ZNF423: variants seen among roughly 807,000 people sequenced by gnomAD.
ZNF423 encodes the protein zinc finger protein 423.
In ZNF423, 12 loss-of-function variants were observed where a neutral mutation model predicts 95.8. That is an observed-to-expected ratio of 0.13 (90% CI 0.08 to 0.20). ZNF423 has a LOEUF of 0.20. Among genes scored for constraint, ZNF423 ranks in the 10% least tolerant of loss-of-function variants. The pLI is 1.00. For missense variants in ZNF423, 1,316 were observed against 1,737.1 expected, an observed-to-expected ratio of 0.76 and a Z score of 4.31; for synonymous variants, 749 against 711.9, an observed-to-expected ratio of 1.05 and a Z score of -0.83.
chr16:49,633,759 G>A (rs1972583662), intron 4 of ZNF423, among the ~76,000 whole-genome samples: 1 of 152,120 alleles, frequency 6.6e-6, no homozygotes, highest in Non-Finnish European at 1.5e-5. Context: ...CTGGGGCCCT[G>A]TTTAGAACCC....
chr16:49,530,345 G>A (rs1029668953), intron 5 of ZNF423, among the ~76,000 whole-genome samples: 2 of 151,948 alleles, frequency 1.3e-5, no homozygotes, highest in Non-Finnish European at 2.9e-5. Flanking sequence ...ACACACCCCC[G>A]TCCTTTCCAG....
chr16:49,511,113 G>A (rs879332908), intron 7 of ZNF423, among the ~76,000 whole-genome samples: 10 of 152,222 alleles, frequency 6.6e-5, no homozygotes, highest in Non-Finnish European at 1.3e-4. Flanking sequence ...GGCTCACGAG[G>A]GTATCTGAGC....
Position 49,778,997 on chromosome 16 carries a change from A to G in ZNF423, c.100+10490T>C, listed in dbSNP as rs2034166489. 2.6e-5 allele frequency among the ~76,000 whole-genome samples: 4 copies of G among 152,210 alleles called. No homozygotes were observed. In the South Asian group the frequency reaches 8.3e-4, roughly 31 times the overall value. Reference sequence around the variant, plus strand: ...AGGTTTAGTAACTTACTCCATATTGAACAGCTAATAAGTATCTAGACCTCA... The same window carrying G: ...AGGTTTAGTAACTTACTCCATATTGGACAGCTAATAAGTATCTAGACCTCA... On this transcript the variant is annotated intron_variant, in intron 2 of 7. Coordinates refer to ENST00000563137, the MANE Select transcript of ZNF423 (RefSeq NM_001379286.1).
chr16:49,849,267 A>G (rs955281558), intron 1 of ZNF423, among the ~76,000 whole-genome samples: 27 of 152,142 alleles, frequency 1.8e-4, no homozygotes, highest in African/African-American at 5.1e-4. Context: ...CCAGAACTCA[A>G]TGGCTCCAGC....
At chr16:49,798,610 A>G (rs571124065) in intron 1 of ZNF423, among the ~76,000 whole-genome samples, 1 of 152,132 alleles carries the variant, frequency 6.6e-6, no homozygotes, top group Non-Finnish European at 1.5e-5. Context: ...AATACATACA[A>G]TTTTTTTTAA....
At chr16:49,743,766 G>T (rs2033464250) in intron 2 of ZNF423, among the ~76,000 whole-genome samples, 1 of 151,920 alleles carries the variant, frequency 6.6e-6, no homozygotes, top group South Asian at 2.1e-4. Context: ...GGCCTGGAGG[G>T]CCAGGGGAGC....
At chr16:49,821,553 C>G (rs1014666813) in intron 1 of ZNF423, among the ~76,000 whole-genome samples, 1 of 152,162 alleles carries the variant, frequency 6.6e-6, no homozygotes, top group Admixed American at 6.5e-5. Flanking sequence ...AAGTCCTGCT[C>G]TGTGACCAGA....
chr16:49,798,256 C>T (rs1280359102), intron 1 of ZNF423, among the ~76,000 whole-genome samples: 1 of 152,064 alleles, frequency 6.6e-6, no homozygotes, highest in Non-Finnish European at 1.5e-5. Context: ...GCCTGTAATC[C>T]CAACACTTAT....
intron 7 of ZNF423, among the ~76,000 whole-genome samples, chr16:49,507,997 T>G (rs1567431185): frequency 6.6e-6 from 1 of 152,052 alleles, no homozygotes. Context: ...CCATTTAGTG[T>G]GGTGGTGAAG....
At chr16:49,700,363 C>G (rs937618822) in intron 3 of ZNF423, among the ~76,000 whole-genome samples, 1 of 152,196 alleles carries the variant, frequency 6.6e-6, no homozygotes, top group African/African-American at 2.4e-5. Flanking sequence ...CGTCTCCAAG[C>G]CCCTGCTGAA....
intron 5 of ZNF423, among the ~76,000 whole-genome samples, chr16:49,575,253 A>T (rs530164249): frequency 4.6e-5 from 7 of 152,068 alleles, no homozygotes; most frequent in South Asian, 2.1e-4. Context: ...TTTTAGATTT[A>T]AAAAAAACTG....
chr16:49,765,989 TAGAG>T (rs1293830638), intron 2 of ZNF423, among the ~76,000 whole-genome samples: 5 of 152,124 alleles, frequency 3.3e-5, no homozygotes, highest in African/African-American at 1.2e-4. Context: ...AAAAGAACTC[TAGAG>T]ATGGATGGTG....
chr16:49,626,129 A>C (rs752795284), intron 5 of ZNF423, 41 bp downstream of exon 5: 3 of 1,601,808 alleles, frequency 1.9e-6, no homozygotes, highest in Non-Finnish European at 2.6e-6. Context: ...TAAAACCCCA[A>C]AGAGTAGCTC....
At chr16:49,830,256 G>A (rs1316460304) in intron 1 of ZNF423, among the ~76,000 whole-genome samples, 1 of 152,126 alleles carries the variant, frequency 6.6e-6, no homozygotes, top group Non-Finnish European at 1.5e-5. Context: ...CCATGCAGAG[G>A]AAAGAACGGC....
chr16:49,728,482 C>T (rs77988280), intron 3 of ZNF423, among the ~76,000 whole-genome samples: 1 of 152,126 alleles, frequency 6.6e-6, no homozygotes, highest in Non-Finnish European at 1.5e-5. Flanking sequence ...TGTTAGGAAG[C>T]GGGCAGGAGT....
chr16:49,823,938 A>G lies in ZNF423; in HGVS notation c.40+31797T>C, dbSNP rs1310023801. Among the ~76,000 whole-genome samples the G allele has an allele frequency of 5.3e-5, 8 of 152,196 alleles. No individual in the cohort carries two copies. In the East Asian group the frequency reaches 1.5e-3, roughly 29 times the overall value. ...TAGTGAGACCTCTCTACAAAAAAAA[A>G]TAAAAATTTGGTACACACCTGTAGT... On this transcript the variant is annotated intron_variant, in intron 1 of 7. Transcript: ENST00000563137.
intron 3 of ZNF423, among the ~76,000 whole-genome samples, chr16:49,639,464 G>A (rs1276402154): frequency 6.6e-6 from 1 of 152,220 alleles, no homozygotes; most frequent in Non-Finnish European, 1.5e-5. Context: ...TGGTAGACAA[G>A]ACATAGGAGG....
chr16:49,623,271 C>A (rs887475861), intron 5 of ZNF423, among the ~76,000 whole-genome samples: 22 of 152,204 alleles, frequency 1.4e-4, no homozygotes, highest in Non-Finnish European at 1.3e-4. Flanking sequence ...TCCAGCCCCC[C>A]AGCCAAGGCG....
intron 7 of ZNF423, among the ~76,000 whole-genome samples, chr16:49,501,698 T>TAAAAAAGA (rs1434098807): frequency 6.6e-6 from 1 of 151,258 alleles, no homozygotes; most frequent in Non-Finnish European, 1.5e-5. Context: ...TATGCATCCA[T>TAAAAAAGA]AAAAAAGAAT....
Sources: gnomAD v4.1 joint callset for allele counts (sites outside exome capture counted in the v4.1 genomes callset) on GRCh38, gnomAD v4.1.1 for gene constraint, MANE v1.5 for transcripts, NCBI Gene and HGNC (gene_info 2026-07-23, HGNC 2026-07-21) for gene names.